Variants in EDEM1 observed in about 807,000 individuals in gnomAD.
EDEM1 encodes ER degradation enhancing alpha-mannosidase like protein 1.
Under a neutral mutation model 74.4 loss-of-function variants are expected in EDEM1, and 67 were observed. The ratio of observed to expected loss-of-function variants is 0.90; its 90% CI spans 0.74 to 1.10. The LOEUF is 1.10. Among genes scored for constraint, EDEM1 ranks in the 50% least tolerant of loss-of-function variants. The pLI is 0.00. For synonymous variants in EDEM1, 382 were observed against 335.9 expected (o/e 1.14, Z -1.50); for missense variants, 926 against 851.6 (o/e 1.09, Z -1.09).
rs768257028 is a variant in EDEM1, at chr3:5,188,202, C to G, written c.397C>G (p.Leu133Val). 13 of 1,580,698 alleles carry G rather than the reference C, an allele frequency of 8.2e-6. No homozygotes were observed. Among genetic ancestry groups the G allele is most frequent in the Non-Finnish European group, 1.1e-5 (13 of 1,165,542 alleles). ...GCAGCTGCGTGCCCAGATGCGCGAC[C>G]TGGCACGGGGCATGTTCGTCTTTGG... Reference protein sequence around the residue: ...PPQLRAQMRDLARGMFVFGYD... With the variant: ...PPQLRAQMRDVARGMFVFGYD... Residue 133 changes from leucine to valine, a missense_variant, in exon 1 of 12, where the codon CTG (leucine) becomes GTG (valine). Leu to Val is a conservative substitution (Grantham distance 32, BLOSUM62 1). Coordinates refer to ENST00000256497, the MANE Select transcript of EDEM1 (RefSeq NM_014674.3).
chr3:5,213,237 T>A (rs1390090328), intron 10 of EDEM1, 82 bp from the exon 11 acceptor site: 2 of 1,371,046 alleles, frequency 1.5e-6, no homozygotes, highest in African/African-American at 2.9e-5. Flanking sequence ...TTCTACTCCC[T>A]GAGTAGCTGG....
chr3:5,215,337 A>G (rs549487373), intron 11 of EDEM1, among the ~76,000 whole-genome samples: 3 of 151,796 alleles, frequency 2.0e-5, no homozygotes, highest in African/African-American at 7.3e-5. Context: ...AAGCATTTAG[A>G]GTTTAGTGAG....
At position 5,207,204 on chromosome 3, in the gene EDEM1, G is replaced by C; in HGVS notation, c.1269G>C (p.Val423=). The change falls in exon 7 of 12, where the codon GTG becomes GTC. Residue 423 remains valine, a synonymous_variant. Transcript: ENST00000256497. ...GAGACCCTCCACTCTATGTCAACGT[G>C]AACATGTTCAGTGGGCAGCTGATGA... ...GEGDPPLYVN[V]NMFSGQLMNT... 6.2e-7 allele frequency: 1 copy of C among 1,614,186 alleles called. No individual in the cohort carries two copies. The highest frequency in any genetic ancestry group is 8.5e-7 in the Non-Finnish European group (1 of 1,180,040).
intron 5 of EDEM1, 43 bp downstream of exon 5, chr3:5,203,192 TC>T: frequency 1.3e-6 from 2 of 1,484,396 alleles, no homozygotes; most frequent in Non-Finnish European, 1.8e-6. Context: ...CACTGCTTGG[TC>T]CCCTTTTCCT....
chr3:5,202,972 C>G lies in EDEM1; in HGVS notation c.865C>G (p.Leu289Val), dbSNP rs1310955979. 1 of 1,613,136 alleles carries G rather than the reference C, an allele frequency of 6.2e-7. No homozygotes were observed. Among genetic ancestry groups the G allele is most frequent in the African/African-American group, 1.3e-5 (1 of 74,806 alleles). Residue 289 changes from leucine to valine, a missense_variant, in exon 5 of 12, where the codon CTA (leucine) becomes GTA (valine). By Grantham distance (32) the Leu-to-Val change is conservative. Coordinates refer to ENST00000256497, the MANE Select transcript of EDEM1 (RefSeq NM_014674.3). ...KTGIPYPRVN[L>V]KTGVPPDTNN... Reference sequence around the variant, plus strand: ...TGTCTGTTCCCATCCCCAGGTGAATCTAAAGACAGGAGTTCCTCCTGACAC... The same window carrying G: ...TGTCTGTTCCCATCCCCAGGTGAATGTAAAGACAGGAGTTCCTCCTGACAC...
At chr3:5,194,190 A>G (rs1035161461) in intron 1 of EDEM1, among the ~76,000 whole-genome samples, 3 of 152,230 alleles carry the variant, frequency 2.0e-5, no homozygotes, top group Admixed American at 6.5e-5. Flanking sequence ...GCAGATATCA[A>G]TGCATCTTGC....
At chr3:5,208,005 C>T (rs922188081) in intron 7 of EDEM1, 88 bp from the exon 8 acceptor site, 8 of 1,445,472 alleles carry the variant, frequency 5.5e-6, no homozygotes, top group Non-Finnish European at 7.4e-6. Flanking sequence ...AACTCGGGGG[C>T]AGAGGAGAGC....
At chr3:5,197,846 G>A (rs2054988220) in intron 2 of EDEM1, among the ~76,000 whole-genome samples, 1 of 152,178 alleles carries the variant, frequency 6.6e-6, no homozygotes, top group African/African-American at 2.4e-5. Context: ...GTAGGTTACA[G>A]CAAAATAACG....
At chr3:5,194,015 C>T (rs2054933285) in intron 1 of EDEM1, among the ~76,000 whole-genome samples, 1 of 152,186 alleles carries the variant, frequency 6.6e-6, no homozygotes, top group Admixed American at 6.5e-5. Context: ...TTCACATAAG[C>T]CCCATTTTCC....
rs1223683664 is a variant in EDEM1 at position 5,199,713 on chromosome 3, C to T, written c.686+18C>T. On this transcript the variant is annotated intron_variant, in intron 3 of 11. Transcript: ENST00000256497. The stretch of plus-strand genomic sequence containing the variant: ...ACGATAAGGTAAAATAATGAATATT[C>T]ATAAAATGAATTGGAGACTTCTTTT... 1.3e-6 allele frequency: 2 copies of T among 1,586,876 alleles called. No homozygotes were observed. The highest frequency in any genetic ancestry group is 1.7e-6 in the Non-Finnish European group (2 of 1,164,856).
chr3:5,210,179 C>A lies in EDEM1; in HGVS notation c.1514C>A (p.Thr505Asn). The A allele has an allele frequency of 6.2e-7, 1 of 1,614,074 alleles. No homozygotes were observed. The highest frequency in any genetic ancestry group is 8.5e-7 in the Non-Finnish European group (1 of 1,179,924). ...ATTCTCTCGTGTTCTCTCTAGGCAA[C>A]CAAGAATCCCTTCTACCTCCATGTA... ...VESTYLLYQA[T>N]KNPFYLHVGM... The change falls in exon 9 of 12, where the codon ACC (threonine) becomes AAC (asparagine). Residue 505 changes from threonine to asparagine, a missense_variant. By Grantham distance (65) the Thr-to-Asn change is moderately conservative. Coordinates refer to ENST00000256497, the MANE Select transcript of EDEM1 (RefSeq NM_014674.3).
intron 6 of EDEM1, 109 bp downstream of exon 6, chr3:5,205,350 C>T (rs2055084255): frequency 9.1e-7 from 1 of 1,101,090 alleles, no homozygotes; most frequent in African/African-American, 1.6e-5. Flanking sequence ...TATCTCTGCC[C>T]TCACCTTACC....
chr3:5,207,700 G>A (rs777038717), intron 7 of EDEM1, among the ~76,000 whole-genome samples: 1 of 152,106 alleles, frequency 6.6e-6, no homozygotes. Flanking sequence ...TAGAGACGGG[G>A]TTTCACTGTG....
chr3:5,207,101 A>C lies in EDEM1; in HGVS notation c.1218-52A>C, dbSNP rs76485534. 89 of 1,604,066 alleles carry C rather than the reference A, an allele frequency of 5.5e-5. 1 individual carries two copies. The South Asian group carries it at 7.4e-4, about 13-fold the overall frequency. ...ACCAGCAGCTGCTGGAGAGGTAGAG[A>C]TCTGTCAGTGAGCTTTCTTTTCACC... On this transcript the variant is annotated intron_variant, in intron 6 of 11. Transcript: ENST00000256497.
At chr3:5,205,540 GGTT>G (rs1366324415) in intron 6 of EDEM1, among the ~76,000 whole-genome samples, 1 of 152,260 alleles carries the variant, frequency 6.6e-6, no homozygotes, top group Non-Finnish European at 1.5e-5. Flanking sequence ...TCTCTCCTGA[GGTT>G]GTTGTCAAGC....
intron 1 of EDEM1, among the ~76,000 whole-genome samples, chr3:5,193,557 A>G (rs954293116): frequency 2.0e-4 from 31 of 152,150 alleles, no homozygotes; most frequent in Non-Finnish European, 4.4e-4. Context: ...TTCCTAGACT[A>G]TAGCCCCCAT....
At chr3:5,211,653 AGTGTGTGTGTGTGTGT>A (rs34661098) in intron 10 of EDEM1, among the ~76,000 whole-genome samples, 7 of 146,968 alleles carry the variant, frequency 4.8e-5, no homozygotes, top group South Asian at 4.3e-4. Flanking sequence ...TGAGTGAGTG[AGTGTGTGTGTGTGTGT>A]GTGTGTGTGT....
intron 11 of EDEM1, among the ~76,000 whole-genome samples, chr3:5,214,484 G>A (rs341987): frequency 0.59 from 89,488 of 151,978 alleles, 27,675 homozygotes; most frequent in East Asian, 0.78. Context: ...GTCATGGAGC[G>A]CTGATTGAGT....
At chr3:5,198,412 G>A (rs2054995491) in intron 2 of EDEM1, among the ~76,000 whole-genome samples, 1 of 152,202 alleles carries the variant, frequency 6.6e-6, no homozygotes, top group African/African-American at 2.4e-5. Flanking sequence ...TAGAGGAATA[G>A]TCACTTATGC....
Sources: allele counts gnomAD v4.1 joint callset (sites outside exome capture counted in the v4.1 genomes callset), GRCh38; gene constraint gnomAD v4.1.1; transcripts MANE v1.5; gene names NCBI Gene and HGNC (gene_info 2026-07-23, HGNC 2026-07-21).